The following PHLDB2 variants were observed in gnomAD, a reference collection of about 807,000 sequenced individuals.
PHLDB2 encodes the protein pleckstrin homology-like domain family B member 2.
Under a neutral mutation model 123.6 loss-of-function variants are expected in PHLDB2, and 71 were observed. The ratio of observed to expected loss-of-function variants is 0.57; its 90% CI spans 0.47 to 0.70. PHLDB2 has a LOEUF of 0.70. Ranked by LOEUF, PHLDB2 falls within the 30% of genes least tolerant of loss-of-function variation. The probability of loss-of-function intolerance (pLI) is 0.00; values close to 1 mark genes in which losing one functional copy is unlikely to be tolerated. For synonymous variants in PHLDB2, 547 were observed against 541.6 expected, an observed-to-expected ratio of 1.01 and a Z score of -0.14; for missense variants, 1,446 against 1,519.5, an observed-to-expected ratio of 0.95 and a Z score of 0.80.
chr3:111,885,573 C>A, intron 2 of PHLDB2, 161 bp downstream of exon 2: 1 of 947,796 alleles, frequency 1.1e-6, no homozygotes, highest in Non-Finnish European at 1.7e-6. Flanking sequence ...CTTCTTCTTC[C>A]CATATCACTA....
chr3:111,932,221 G>C, intron 5 of PHLDB2, 48 bp from the exon 6 acceptor site: 1 of 1,540,084 alleles, frequency 6.5e-7, no homozygotes, highest in Non-Finnish European at 8.8e-7. Flanking sequence ...CACCTGCTTG[G>C]GGGTGTGAAG....
At chr3:111,732,723 A>C in intron 1 of PHLDB2, 2 of 1,523,756 alleles carry the variant, frequency 1.3e-6, no homozygotes, top group South Asian at 2.4e-5. Flanking sequence ...CTCTCTGGTC[A>C]CTGGCCCTTC....
At chr3:111,903,341 G>A (rs1225874328) in intron 2 of PHLDB2, among the ~76,000 whole-genome samples, 3 of 152,178 alleles carry the variant, frequency 2.0e-5, no homozygotes, top group Admixed American at 6.5e-5. Flanking sequence ...TATACTTAAT[G>A]TGTTGCTCTG....
Position 111,966,601 on chromosome 3 carries a change from T to C in PHLDB2, c.3078-12T>C, listed in dbSNP as rs753709152. 1.4e-5 allele frequency: 22 copies of C among 1,601,944 alleles called. No individual in the cohort carries two copies. The African/African-American group carries it at 2.4e-4, about 18-fold the overall frequency. ...AACCAATATTCTCAAAAGGCTTTGG[T>C]GTTTCATTCAGTGCCAGCACTTCAA... On this transcript the variant is annotated splice_polypyrimidine_tract_variant and intron_variant, in intron 13 of 17. Transcript: ENST00000431670.
At chr3:111,879,337 G>A (rs184709461) in intron 1 of PHLDB2, among the ~76,000 whole-genome samples, 18 of 152,212 alleles carry the variant, frequency 1.2e-4, no homozygotes, top group African/African-American at 2.9e-4. Context: ...GTTTATTTGC[G>A]TAGAAGTTGG....
At chr3:111,864,807 A>G (rs1384724782) in intron 1 of PHLDB2, among the ~76,000 whole-genome samples, 2 of 152,212 alleles carry the variant, frequency 1.3e-5, no homozygotes, top group Non-Finnish European at 2.9e-5. Flanking sequence ...AAGGAAAGAA[A>G]ATATTGTGTA....
At position 111,947,965 on chromosome 3, in the gene PHLDB2, A is replaced by AAAAG. The variant is rs1303748058; in HGVS notation, c.2488-967_2488-966insAAAG. On this transcript the variant is annotated intron_variant, in intron 9 of 17. Coordinates refer to ENST00000431670, the MANE Select transcript of PHLDB2 (RefSeq NM_001134438.2). ...ATTTCAGCTTTAAAAGAGAGGTGTT[A>AAAAG]TTTTATATAGCTTTTTCACACTGTT... 1.6e-4 allele frequency among the ~76,000 whole-genome samples: 25 copies of AAAAG among 152,180 alleles called. 1 individual carries two copies. Among genetic ancestry groups the AAAAG allele is most frequent in the Non-Finnish European group, 3.4e-4 (23 of 68,014 alleles).
intron 1 of PHLDB2, among the ~76,000 whole-genome samples, chr3:111,735,317 CT>C (rs1466869592): frequency 6.6e-6 from 1 of 152,146 alleles, no homozygotes; most frequent in Admixed American, 6.5e-5. Flanking sequence ...GTCTAAATGG[CT>C]TTTTGGTGTC....
chr3:111,768,215 A>G (rs6438010), intron 1 of PHLDB2, among the ~76,000 whole-genome samples: 150,122 of 152,248 alleles, frequency 0.99, 74,050 homozygotes, highest in Middle Eastern at 1. Flanking sequence ...CTGGATTGCA[A>G]GAAGAAGATA....
At chr3:111,937,383 A>G (rs1418707873) in intron 6 of PHLDB2, among the ~76,000 whole-genome samples, 1 of 152,220 alleles carries the variant, frequency 6.6e-6, no homozygotes, top group African/African-American at 2.4e-5. Flanking sequence ...AGAACAACCA[A>G]AAAATGCTTT....
upstream of PHLDB2, among the ~76,000 whole-genome samples, chr3:111,855,471 C>A (rs190611017): frequency 1.5e-3 from 212 of 141,498 alleles, 1 homozygote; most frequent in Non-Finnish European, 2.7e-3. Flanking sequence ...TTTTTCCTTC[C>A]TTCCTTCCTC....
At chr3:111,834,439 T>C (rs1448455912) in intron 1 of PHLDB2, among the ~76,000 whole-genome samples, 1 of 149,494 alleles carries the variant, frequency 6.7e-6, no homozygotes, top group African/African-American at 2.4e-5. Context: ...CTCTTTTCAC[T>C]TACAACTTAT....
chr3:111,781,352 C>T (rs1172867931), intron 1 of PHLDB2, among the ~76,000 whole-genome samples: 2 of 115,344 alleles, frequency 1.7e-5, no homozygotes, highest in African/African-American at 5.0e-5. Context: ...AGCTCTAATC[C>T]ACATGTCTCC....
At chr3:111,777,412 G>A (rs1436775175) in intron 1 of PHLDB2, among the ~76,000 whole-genome samples, 7 of 151,918 alleles carry the variant, frequency 4.6e-5, no homozygotes, top group African/African-American at 1.7e-4. Context: ...ATAATTTGAA[G>A]TTAATATTCA....
chr3:111,851,856 C>T (rs1253628249), intron 2 of PHLDB2, among the ~76,000 whole-genome samples: 1 of 151,912 alleles, frequency 6.6e-6, no homozygotes, highest in Non-Finnish European at 1.5e-5. Flanking sequence ...CCCTCCCCAG[C>T]TCAGGCGGCT....
chr3:111,878,625 G>C (rs962005479), intron 1 of PHLDB2, among the ~76,000 whole-genome samples: 1 of 152,186 alleles, frequency 6.6e-6, no homozygotes, highest in African/African-American at 2.4e-5. Flanking sequence ...TCGTTGTCTT[G>C]TGCTGGTTTT....
intron 1 of PHLDB2, among the ~76,000 whole-genome samples, chr3:111,869,411 ACTT>A (rs1421366483): frequency 1.3e-5 from 2 of 151,856 alleles, no homozygotes; most frequent in Non-Finnish European, 2.9e-5. Context: ...GGTCTTCCTT[ACTT>A]CTTCTTTTAG....
At chr3:111,967,975 CAAAAAAA>C (rs58918022) in intron 15 of PHLDB2, 151 bp downstream of exon 15, 1,100 of 67,826 alleles carry the variant, frequency 0.016, 9 homozygotes, top group Admixed American at 0.032. Context: ...CATTCCTGTG[CAAAAAAA>C]AAAAAAAAAA....
chr3:111,936,164 C>A (rs2069479062), intron 6 of PHLDB2, among the ~76,000 whole-genome samples: 1 of 152,136 alleles, frequency 6.6e-6, no homozygotes, highest in African/African-American at 2.4e-5. Flanking sequence ...ATGTAAACTT[C>A]TGCCGTATAC....
Sources: allele counts gnomAD v4.1 joint callset (sites outside exome capture counted in the v4.1 genomes callset), GRCh38; gene constraint gnomAD v4.1.1; transcripts MANE v1.5; gene names NCBI Gene and HGNC (gene_info 2026-07-23, HGNC 2026-07-21).